The following CHP1 variants were observed in gnomAD, a reference collection of about 807,000 sequenced individuals.
CHP1 encodes the protein calcineurin like EF-hand protein 1.
In CHP1, 11 loss-of-function variants were observed where a neutral mutation model predicts 27.4. That is an observed-to-expected ratio of 0.40 (90% confidence interval 0.25 to 0.67). The LOEUF (loss-of-function observed/expected upper bound fraction) is 0.67, where lower values mean the gene tolerates loss of function less well. Among genes scored for constraint, CHP1 ranks in the 30% least tolerant of loss-of-function variants. The pLI, the probability that CHP1 is intolerant of heterozygous loss-of-function variation, is 0.38. For missense variants in CHP1, 169 were observed against 251.3 expected (o/e 0.67, Z 2.22); for synonymous variants, 89 against 87.4 (o/e 1.02, Z -0.10).
chr15:41,234,452 T>G (rs1468542458), intron 1 of CHP1, among the ~76,000 whole-genome samples: 3 of 152,218 alleles, frequency 2.0e-5, no homozygotes, highest in Non-Finnish European at 4.4e-5. Context: ...CCTTTGCCAG[T>G]ACAAAATGTA....
At chr15:41,237,897 A>G (rs1185660051) in intron 1 of CHP1, among the ~76,000 whole-genome samples, 1 of 151,852 alleles carries the variant, frequency 6.6e-6, no homozygotes, top group Non-Finnish European at 1.5e-5. Context: ...TTTAGTAGAG[A>G]TGGGGTTTCC....
In CHP1 at chr15:41,256,896, G is replaced by A; in HGVS notation, c.141-14G>A. ...CAATGATCTCTATCTAACTCAAGGT[G>A]ATTCTCTTGGCAGCCGGGAAGATTT... On this transcript the variant is annotated splice_polypyrimidine_tract_variant and intron_variant, in intron 2 of 6. Coordinates refer to ENST00000334660, the MANE Select transcript of CHP1 (RefSeq NM_007236.5). 1 of 1,613,020 alleles carries A rather than the reference G, an allele frequency of 6.2e-7. No homozygotes were observed. The highest frequency in any genetic ancestry group is 1.1e-5 in the South Asian group (1 of 91,072).
At chr15:41,239,817 C>G (rs1411165592) in intron 1 of CHP1, among the ~76,000 whole-genome samples, 2 of 151,864 alleles carry the variant, frequency 1.3e-5, no homozygotes, top group Non-Finnish European at 2.9e-5. Flanking sequence ...CTCTCTGTCA[C>G]CCAGGCTGGA....
chr15:41,256,543 G>T (rs2047401516), intron 2 of CHP1: 1 of 247,878 alleles, frequency 4.0e-6, no homozygotes, highest in African/African-American at 2.3e-5. Flanking sequence ...TGCAGTATTT[G>T]ATACTTTCCA....
chr15:41,234,639 A>G (rs955158223), intron 1 of CHP1, among the ~76,000 whole-genome samples: 1 of 152,204 alleles, frequency 6.6e-6, no homozygotes, highest in African/African-American at 2.4e-5. Context: ...GTAATTCTGG[A>G]TAAGAATTAC....
rs34921023 is a variant in CHP1, at chr15:41,280,505, ATTTT to A, written c.*1140_*1143del. The A allele has an allele frequency of 3.6e-5, 4 of 111,340 alleles. No homozygotes were observed. The highest frequency in any genetic ancestry group is 3.5e-5 in the Non-Finnish European group (2 of 56,608). 6.9% of individuals were successfully genotyped at this position (111,340 alleles called of 1,614,324 possible). ...GGAAGTGCCTAATATCCCAGTCCAA[ATTTT>A]TTTTTTTTTTTTTTTTTTTTTTTGA... On this transcript the variant is annotated 3_prime_UTR_variant, in exon 7 of 7. Coordinates refer to ENST00000334660, the MANE Select transcript of CHP1 (RefSeq NM_007236.5).
At chr15:41,239,555 C>G (rs556686102) in intron 1 of CHP1, among the ~76,000 whole-genome samples, 1 of 151,604 alleles carries the variant, frequency 6.6e-6, no homozygotes, top group Non-Finnish European at 1.5e-5. Flanking sequence ...ACCACCACAC[C>G]TGGCTAATTT....
chr15:41,235,815 G>A (rs1012047694), intron 1 of CHP1, among the ~76,000 whole-genome samples: 3 of 152,124 alleles, frequency 2.0e-5, no homozygotes, highest in Non-Finnish European at 4.4e-5. Context: ...CAGGTTTCTC[G>A]TGCCTCCAAA....
At chr15:41,263,286 CA>C (rs2047442730) in intron 4 of CHP1, among the ~76,000 whole-genome samples, 1 of 152,182 alleles carries the variant, frequency 6.6e-6, no homozygotes, top group Admixed American at 6.5e-5. Flanking sequence ...GCTAGCATGG[CA>C]ATAGTGAACA....
intron 4 of CHP1, among the ~76,000 whole-genome samples, chr15:41,269,994 G>A (rs925017526): frequency 1.3e-5 from 2 of 152,064 alleles, no homozygotes; most frequent in African/African-American, 2.4e-5. Flanking sequence ...GTTTCTAGAA[G>A]GCTTAAAGAG....
chr15:41,271,254 C>CAAA lies in CHP1; in HGVS notation c.411+658_411+660dup, dbSNP rs143070752. Reference sequence around the variant, plus strand: ...TGGGCGACAGAGCAAGATTCCGTCTCAAAAAAAAAAAAAAAAAAAAAAAAT... The same window carrying CAAA: ...TGGGCGACAGAGCAAGATTCCGTCTCAAAAAAAAAAAAAAAAAAAAAAAAAAAT... On this transcript the variant is annotated intron_variant, in intron 5 of 6. Transcript: ENST00000334660. Among the ~76,000 whole-genome samples, 205 of 75,680 alleles carry CAAA rather than the reference C, an allele frequency of 2.7e-3. 1 individual carries two copies. Among genetic ancestry groups the CAAA allele is most frequent in the Non-Finnish European group, 3.6e-3 (147 of 40,276 alleles). The allele number at this position is 75,680 out of a possible 152,430, so 49.6% of individuals were successfully genotyped here.
chr15:41,279,559 A>G lies in CHP1; in HGVS notation c.*170A>G. On this transcript the variant is annotated 3_prime_UTR_variant, in exon 7 of 7. Coordinates refer to ENST00000334660, the MANE Select transcript of CHP1 (RefSeq NM_007236.5). ...AACACAAACCTGCCTTTGGTGTATA[A>G]ACAGGGCATTACAGAATGGTACACC... The G allele has an allele frequency of 1.6e-6, 1 of 619,086 alleles. No homozygotes were observed. The highest frequency in any genetic ancestry group is 2.9e-6 in the Non-Finnish European group (1 of 342,244). 38.3% of individuals were successfully genotyped at this position (619,086 alleles called of 1,614,324 possible).
rs34921023 is a variant in CHP1, at chr15:41,280,505, ATTTTTTTTTTTTTTT to A, written c.*1129_*1143del. The A allele has an allele frequency of 9.0e-6, 1 of 111,340 alleles. No homozygotes were observed. 6.9% of individuals were successfully genotyped at this position (111,340 alleles called of 1,614,324 possible). A position where few individuals can be genotyped will look rare whatever the true frequency, so the allele number is the denominator to read the frequency against. Reference sequence around the variant, plus strand: ...GGAAGTGCCTAATATCCCAGTCCAAATTTTTTTTTTTTTTTTTTTTTTTTTTTGAGACAGAGTCTT... The same window carrying A: ...GGAAGTGCCTAATATCCCAGTCCAAATTTTTTTTTTTTGAGACAGAGTCTT... On this transcript the variant is annotated 3_prime_UTR_variant, in exon 7 of 7. Coordinates refer to ENST00000334660, the MANE Select transcript of CHP1 (RefSeq NM_007236.5).
At chr15:41,264,769 T>G (rs760780340) in intron 4 of CHP1, among the ~76,000 whole-genome samples, 4 of 152,180 alleles carry the variant, frequency 2.6e-5, no homozygotes, top group Non-Finnish European at 5.9e-5. Context: ...CATACTTTAG[T>G]CTTGGCTGTT....
intron 1 of CHP1, among the ~76,000 whole-genome samples, chr15:41,240,706 T>C (rs1049596873): frequency 1.3e-5 from 2 of 150,062 alleles, no homozygotes; most frequent in Non-Finnish European, 3.0e-5. Context: ...TGAGCCAAGA[T>C]TGTGCCATTG....
At chr15:41,262,113 G>A (rs76896361) in intron 3 of CHP1, among the ~76,000 whole-genome samples, 18,757 of 151,954 alleles carry the variant, frequency 0.12, 1,762 homozygotes, top group African/African-American at 0.26. Context: ...AGGTTGCAGT[G>A]AGCCGAGGTA....
rs558915146 is a variant in CHP1, at chr15:41,275,005, G to A, written c.412-3762G>A. ...GGGTTTCACCATGTTGGTCAGGCTG[G>A]TCTCCAACTCCTGACCTCGTCATCC... On this transcript the variant is annotated intron_variant, in intron 5 of 6. Transcript: ENST00000334660. Among the ~76,000 whole-genome samples the A allele has an allele frequency of 7.9e-5, 12 of 151,866 alleles. 1 individual carries two copies. The highest frequency in any genetic ancestry group is 7.9e-4 in the Admixed American group (12 of 15,208).
In CHP1 at chr15:41,279,473, C is replaced by A. The variant is rs183415199; in HGVS notation, c.*84C>A. The A allele has an allele frequency of 2.4e-4, 267 of 1,117,346 alleles. 3 individuals carry two copies. In the East Asian group the frequency reaches 4.3e-3, roughly 18 times the overall value. 69.2% of individuals were successfully genotyped at this position (1,117,346 alleles called of 1,614,324 possible). On this transcript the variant is annotated 3_prime_UTR_variant, in exon 7 of 7. Transcript: ENST00000334660. ...CTTCTACCAACTCCACCTCCACCCC[C>A]TCATTCCCCTTCTCCCAAAGTACTA...
intron 2 of CHP1, among the ~76,000 whole-genome samples, chr15:41,254,002 C>T (rs2047385772): frequency 6.6e-6 from 1 of 151,528 alleles, no homozygotes; most frequent in African/African-American, 2.4e-5. Flanking sequence ...CTCTGTTGCC[C>T]AGGCTGGTCT....
Sources: gnomAD v4.1 joint callset for allele counts (sites outside exome capture counted in the v4.1 genomes callset) on GRCh38, gnomAD v4.1.1 for gene constraint, MANE v1.5 for transcripts, NCBI Gene and HGNC (gene_info 2026-07-23, HGNC 2026-07-21) for gene names.